KIAA1217: variants seen among roughly 807,000 people sequenced by gnomAD.
KIAA1217 encodes the protein KIAA1217.
Under a neutral mutation model 163.9 loss-of-function variants are expected in KIAA1217, and 88 were observed. That is an observed-to-expected ratio of 0.54 (90% confidence interval 0.45 to 0.64). The LOEUF (loss-of-function observed/expected upper bound fraction) is 0.64, where lower values mean the gene tolerates loss of function less well. Among genes scored for constraint, KIAA1217 ranks in the 30% least tolerant of loss-of-function variants. The pLI, the probability that KIAA1217 is intolerant of heterozygous loss-of-function variation, is 0.00. For missense variants in KIAA1217, 2,372 were observed against 2,475.0 expected (o/e 0.96, Z 0.88); for synonymous variants, 903 against 923.1 (o/e 0.98, Z 0.39).
At chr10:23,817,724 A>G (rs897840967) in intron 1 of KIAA1217, among the ~76,000 whole-genome samples, 2 of 151,962 alleles carry the variant, frequency 1.3e-5, no homozygotes, top group African/African-American at 4.8e-5. Context: ...ACGGTGTTAC[A>G]GAAATAGTAC....
chr10:24,041,012 T>C lies in KIAA1217; in HGVS notation c.-171+33638T>C, dbSNP rs75421660. Among the ~76,000 whole-genome samples, 9 of 152,342 alleles carry C rather than the reference T, an allele frequency of 5.9e-5. No homozygotes were observed. In the East Asian group the frequency reaches 1.5e-3, roughly 26 times the overall value. Reference sequence around the variant, plus strand: ...TTTAGAATTTAGAGGTAACTCCTGTTCCCGTTGATTCCAAAATTTATGCTC... The same window carrying C: ...TTTAGAATTTAGAGGTAACTCCTGTCCCCGTTGATTCCAAAATTTATGCTC... On this transcript the variant is annotated intron_variant, in intron 2 of 18. Coordinates refer to the KIAA1217 transcript ENST00000376462.
intron 2 of KIAA1217, among the ~76,000 whole-genome samples, chr10:24,226,596 C>G (rs546761837): frequency 4.2e-4 from 64 of 151,788 alleles, no homozygotes; most frequent in African/African-American, 1.5e-3. Context: ...GAGCCAAGAT[C>G]GCACCACTGC....
At chr10:24,185,756 C>G (rs544346009) in intron 2 of KIAA1217, among the ~76,000 whole-genome samples, 2 of 152,090 alleles carry the variant, frequency 1.3e-5, no homozygotes, top group African/African-American at 4.8e-5. Flanking sequence ...GATGGCGCCA[C>G]TGCACTCTAG....
chr10:24,319,625 G>A (rs958614852), intron 2 of KIAA1217, among the ~76,000 whole-genome samples: 1 of 152,146 alleles, frequency 6.6e-6, no homozygotes, highest in Non-Finnish European at 1.5e-5. Flanking sequence ...GAAGAGGCCC[G>A]GGGGCTAGAG....
At chr10:24,152,314 T>C (rs1288329425) in intron 2 of KIAA1217, among the ~76,000 whole-genome samples, 1 of 152,222 alleles carries the variant, frequency 6.6e-6, no homozygotes, top group Non-Finnish European at 1.5e-5. Flanking sequence ...TAAAATATTC[T>C]TATTGTAGTA....
intron 2 of KIAA1217, among the ~76,000 whole-genome samples, chr10:24,104,408 C>T (rs1001253036): frequency 2.6e-5 from 4 of 152,028 alleles, no homozygotes; most frequent in Admixed American, 6.6e-5. Context: ...AGAAACAAGC[C>T]GCCAATTTGA....
chr10:23,703,556 A>C (rs1435010471), intron 1 of KIAA1217, among the ~76,000 whole-genome samples: 1 of 152,146 alleles, frequency 6.6e-6, no homozygotes, highest in Non-Finnish European at 1.5e-5. Flanking sequence ...CTGTATCGTA[A>C]ATATTTCTGC....
chr10:23,741,709 C>T (rs964319576), intron 1 of KIAA1217, among the ~76,000 whole-genome samples: 2 of 152,174 alleles, frequency 1.3e-5, no homozygotes, highest in Non-Finnish European at 2.9e-5. Context: ...GGTGAAAGTT[C>T]ATGCCTCCCT....
At chr10:24,043,336 T>G (rs559205362) in intron 2 of KIAA1217, among the ~76,000 whole-genome samples, 1 of 152,192 alleles carries the variant, frequency 6.6e-6, no homozygotes, top group African/African-American at 2.4e-5. Flanking sequence ...TTCTTATAAC[T>G]GGGAGTTTTT....
At chr10:23,786,307 G>A (rs1835491250) in intron 1 of KIAA1217, among the ~76,000 whole-genome samples, 1 of 151,890 alleles carries the variant, frequency 6.6e-6, no homozygotes, top group African/African-American at 2.4e-5. Context: ...ATGGGAGGAG[G>A]GGAGGAGAAC....
intron 1 of KIAA1217, among the ~76,000 whole-genome samples, chr10:23,836,515 CTTTT>C (rs58429186): frequency 7.2e-6 from 1 of 138,186 alleles, no homozygotes; most frequent in Admixed American, 7.3e-5. Context: ...TCCAGAACTG[CTTTT>C]TTTTTTTTTT....
chr10:23,892,605 C>T (rs1265280686), intron 1 of KIAA1217, among the ~76,000 whole-genome samples: 1 of 151,938 alleles, frequency 6.6e-6, no homozygotes, highest in African/African-American at 2.4e-5. Flanking sequence ...TAAGTATCAG[C>T]TGTCATTTCC....
intron 1 of KIAA1217, among the ~76,000 whole-genome samples, chr10:23,896,112 T>C (rs887024370): frequency 7.5e-4 from 114 of 151,954 alleles, no homozygotes; most frequent in African/African-American, 2.6e-3. Flanking sequence ...CTGCACATTG[T>C]GCCCATGTAC....
intron 1 of KIAA1217, among the ~76,000 whole-genome samples, chr10:23,994,499 G>A (rs184511402): frequency 6.6e-6 from 1 of 152,246 alleles, no homozygotes; most frequent in East Asian, 1.9e-4. Flanking sequence ...CTACTACCCA[G>A]GTCAAGCTTT....
chr10:24,195,225 A>T (rs1051067954), intron 2 of KIAA1217, among the ~76,000 whole-genome samples: 1 of 152,182 alleles, frequency 6.6e-6, no homozygotes. Context: ...AGTATGATCA[A>T]AACCCTGTCC....
At chr10:24,490,580 T>C (rs917412159) in intron 6 of KIAA1217, among the ~76,000 whole-genome samples, 1 of 152,202 alleles carries the variant, frequency 6.6e-6, no homozygotes, top group Non-Finnish European at 1.5e-5. Context: ...ATGTCCCCAA[T>C]ATGAATCCTG....
intron 2 of KIAA1217, among the ~76,000 whole-genome samples, chr10:24,239,697 T>TTGTG (rs371741568): frequency 1.5e-4 from 12 of 81,084 alleles, no homozygotes; most frequent in East Asian, 1.3e-3. Context: ...GTGTGTGTGT[T>TTGTG]TGTGTGTGTG....
chr10:24,395,916 C>T (rs1331858834), intron 3 of KIAA1217, among the ~76,000 whole-genome samples: 1 of 152,154 alleles, frequency 6.6e-6, no homozygotes, highest in Non-Finnish European at 1.5e-5. Flanking sequence ...TTCAGGTGGT[C>T]ATCTACCTCA....
Position 24,470,750 on chromosome 10 carries a change from A to G in KIAA1217, c.847-2478A>G, listed in dbSNP as rs1200616175. 3.3e-5 allele frequency among the ~76,000 whole-genome samples: 5 copies of G among 152,246 alleles called. No individual in the cohort carries two copies. In the East Asian group the frequency reaches 9.7e-4, roughly 29 times the overall value. Reference sequence around the variant, plus strand: ...CGTGGTGCCCAGGTCATGTATTCAAAAAGGGCTCCCTTTTGTTGCTACATA... The same window carrying G: ...CGTGGTGCCCAGGTCATGTATTCAAGAAGGGCTCCCTTTTGTTGCTACATA... On this transcript the variant is annotated intron_variant, in intron 5 of 20. Transcript: ENST00000376454.
Sources: allele counts gnomAD v4.1 joint callset (sites outside exome capture counted in the v4.1 genomes callset), GRCh38; gene constraint gnomAD v4.1.1; transcripts MANE v1.5; gene names NCBI Gene and HGNC (gene_info 2026-07-23, HGNC 2026-07-21).